Variants in WDFY3 observed in about 807,000 individuals in gnomAD.
The protein encoded by WDFY3 is WD repeat and FYVE domain-containing protein 3.
Under a neutral mutation model 409.6 loss-of-function variants are expected in WDFY3, and 66 were observed. That is an observed-to-expected ratio of 0.16 (90% CI 0.13 to 0.20). The LOEUF (loss-of-function observed/expected upper bound fraction) is 0.20, where lower values mean the gene tolerates loss of function less well. WDFY3 is among the 10% of genes least tolerant of loss of function. WDFY3 has a pLI of 1.00. For synonymous variants in WDFY3, 1,521 were observed against 1,537.1 expected (o/e 0.99, Z 0.25); for missense variants, 3,031 against 4,298.1 (o/e 0.71, Z 8.24).
chr4:84,737,411 CA>C, intron 40 of WDFY3, 45 bp from the exon 41 acceptor site: 1 of 1,510,074 alleles, frequency 6.6e-7, no homozygotes, highest in Non-Finnish European at 8.8e-7. Flanking sequence ...AGCAAATGAT[CA>C]AAACACAGTA....
chr4:84,714,994 T>C (rs1370681580), intron 50 of WDFY3, among the ~76,000 whole-genome samples: 4 of 151,984 alleles, frequency 2.6e-5, no homozygotes, highest in African/African-American at 9.7e-5. Flanking sequence ...TAAAGTTTTA[T>C]TTTTAAAGCT....
intron 4 of WDFY3, among the ~76,000 whole-genome samples, chr4:84,852,188 T>C (rs919026227): frequency 6.6e-6 from 1 of 152,224 alleles, no homozygotes; most frequent in African/African-American, 2.4e-5. Flanking sequence ...ATAGGTCTCA[T>C]AACTGAGGCT....
At chr4:84,754,218 T>C (rs770174819) in intron 34 of WDFY3, among the ~76,000 whole-genome samples, 15 of 152,222 alleles carry the variant, frequency 9.9e-5, no homozygotes, top group Non-Finnish European at 1.8e-4. Flanking sequence ...TGTTGCCCCA[T>C]CGTGCATCAT....
intron 6 of WDFY3, among the ~76,000 whole-genome samples, chr4:84,837,292 G>C (rs762791821): frequency 2.0e-5 from 3 of 151,986 alleles, no homozygotes; most frequent in Non-Finnish European, 4.4e-5. Context: ...GTGAGATTTT[G>C]TTATATAGTA....
intron 38 of WDFY3, among the ~76,000 whole-genome samples, chr4:84,741,274 A>G (rs551917501): frequency 1.3e-5 from 2 of 152,006 alleles, no homozygotes; most frequent in South Asian, 2.1e-4. Context: ...GCACCAGGCA[A>G]TTGGTAATAG....
At chr4:84,923,327 C>A (rs781375026) in intron 2 of WDFY3, among the ~76,000 whole-genome samples, 8 of 152,106 alleles carry the variant, frequency 5.3e-5, no homozygotes, top group Non-Finnish European at 1.2e-4. Context: ...ACAATTGTTA[C>A]ACAAATTCTT....
intron 2 of WDFY3, among the ~76,000 whole-genome samples, chr4:84,912,574 G>A (rs1387861561): frequency 1.3e-5 from 2 of 152,050 alleles, no homozygotes; most frequent in African/African-American, 4.8e-5. Context: ...GCCAGCAAAG[G>A]ATGGCTTGGT....
At chr4:84,776,250 C>T (rs1397927053) in intron 27 of WDFY3, among the ~76,000 whole-genome samples, 1 of 151,884 alleles carries the variant, frequency 6.6e-6, no homozygotes, top group Non-Finnish European at 1.5e-5. Flanking sequence ...TTTAGATGCA[C>T]ATAATAAATT....
chr4:84,925,342 T>C (rs575561589), intron 2 of WDFY3, among the ~76,000 whole-genome samples: 11 of 152,302 alleles, frequency 7.2e-5, no homozygotes, highest in African/African-American at 2.6e-4. Flanking sequence ...AAAAATCTCA[T>C]GTGGCTTGCT....
intron 40 of WDFY3, among the ~76,000 whole-genome samples, chr4:84,737,756 G>T (rs887892832): frequency 2.0e-5 from 3 of 152,134 alleles, no homozygotes; most frequent in Non-Finnish European, 2.9e-5. Context: ...CACAAGAAAA[G>T]AAATATTTTG....
chr4:84,926,278 T>A (rs941085870), intron 2 of WDFY3, among the ~76,000 whole-genome samples: 1 of 149,476 alleles, frequency 6.7e-6, no homozygotes, highest in Admixed American at 6.7e-5. Context: ...AAATCAAAAG[T>A]CTATAGAAAA....
intron 62 of WDFY3, among the ~76,000 whole-genome samples, chr4:84,686,636 A>AAG (rs1477466850): frequency 6.6e-6 from 1 of 152,152 alleles, no homozygotes; most frequent in Non-Finnish European, 1.5e-5. Context: ...CTGTGTCATG[A>AAG]AGGATGGCCC....
chr4:84,800,450 A>G (rs1474397851), intron 17 of WDFY3, among the ~76,000 whole-genome samples: 3 of 152,200 alleles, frequency 2.0e-5, no homozygotes, highest in Admixed American at 1.3e-4. Context: ...ATGTAAGTAT[A>G]TATTTCTTGA....
At chr4:84,696,652 C>G in intron 57 of WDFY3, 80 bp downstream of exon 57, 1 of 1,420,374 alleles carries the variant, frequency 7.0e-7, no homozygotes, top group South Asian at 1.2e-5. Flanking sequence ...AGGTGGTACT[C>G]TGGCTAGAGG....
rs183082136 is a variant in WDFY3 at position 84,729,235 on chromosome 4, T to C, written c.7222-2324A>G. On this transcript the variant is annotated intron_variant, in intron 44 of 67. Transcript: ENST00000295888. ...CTAGTTAATATTTAAATATAATTTT[T>C]TTTTAAATGGCAAAATATACATTAT... 9.2e-5 allele frequency among the ~76,000 whole-genome samples: 14 copies of C among 152,128 alleles called. No individual in the cohort carries two copies. The East Asian group carries it at 2.1e-3, about 23-fold the overall frequency.
chr4:84,847,785 AAAAC>A (rs1403326666), intron 5 of WDFY3, among the ~76,000 whole-genome samples: 1 of 143,980 alleles, frequency 6.9e-6, no homozygotes, highest in Non-Finnish European at 1.6e-5. Flanking sequence ...AAAAAAAAAA[AAAAC>A]CAAAAAAAAA....
At chr4:84,719,766 T>C (rs1437626088) in intron 47 of WDFY3, among the ~76,000 whole-genome samples, 2 of 152,234 alleles carry the variant, frequency 1.3e-5, no homozygotes, top group Non-Finnish European at 2.9e-5. Flanking sequence ...AAAAATTTTG[T>C]GTGACCAGCA....
In WDFY3 at chr4:84,690,511, T is replaced by G. The variant is rs1253245171; in HGVS notation, c.9358A>C (p.Lys3120Gln). 1 of 1,614,056 alleles carries G rather than the reference T, an allele frequency of 6.2e-7. No individual in the cohort carries two copies. Residue 3120 changes from lysine (K) to glutamine (Q), a missense_variant, in exon 61 of 68, where the codon AAA becomes CAA. Lys to Gln is a moderately conservative substitution (Grantham distance 53). Around this residue, in one of 16 missense-constraint regions of WDFY3, gnomAD observed 152 missense variants for 193.5 expected, o/e 0.79. Transcript: ENST00000295888. ...SKEKAKTVTL[K>Q]QALLGHTDTV... is the part of the protein sequence containing the mutation. ...TTTTCTATGTTCTCTCTTACCTGTT[T>G]GAGGGTGACGGTCTTGGCCTTTTCT...
At chr4:84,743,071 GA>G (rs904681513) in intron 37 of WDFY3, among the ~76,000 whole-genome samples, 2 of 152,192 alleles carry the variant, frequency 1.3e-5, no homozygotes, top group Admixed American at 6.5e-5. Context: ...TTTACTTCGG[GA>G]AAAAAATTGT....
Sources: gnomAD v4.1 joint callset for allele counts (sites outside exome capture counted in the v4.1 genomes callset) on GRCh38, gnomAD v4.1.1 for gene constraint, gnomAD v4.1.1 regional missense constraint, MANE v1.5 for transcripts, NCBI Gene and HGNC (gene_info 2026-07-23, HGNC 2026-07-21) for gene names.